The following MGRN1 variants were observed in gnomAD, a reference collection of about 807,000 sequenced individuals.
MGRN1 encodes mahogunin ring finger 1.
Under a neutral mutation model 69.2 loss-of-function variants are expected in MGRN1, and 29 were observed. The observed-to-expected ratio is 0.42, with a 90% CI of 0.31 to 0.57. The LOEUF (loss-of-function observed/expected upper bound fraction) is 0.57. Ranked by LOEUF, MGRN1 falls within the 20% of genes least tolerant of loss-of-function variation. MGRN1 has a pLI of 0.15. For synonymous variants in MGRN1, 470 were observed against 344.2 expected (o/e 1.37, Z -4.04); for missense variants, 998 against 796.2 (o/e 1.25, Z -3.05).
rs149575850 is a variant in MGRN1, at chr16:4,667,550, A to G, written c.679-715A>G. On this transcript the variant is annotated intron_variant, in intron 7 of 16. Transcript: ENST00000262370. Reference sequence around the variant, plus strand: ...GGTCTATTCTGTGCTTGAAGTACAGAACCCAGTGGGAAACTGCTTTATTTT... The same window carrying G: ...GGTCTATTCTGTGCTTGAAGTACAGGACCCAGTGGGAAACTGCTTTATTTT... 4.6e-5 allele frequency among the ~76,000 whole-genome samples: 7 copies of G among 152,322 alleles called. No individual in the cohort carries two copies. In the East Asian group the frequency reaches 1.3e-3, roughly 29 times the overall value.
intron 1 of MGRN1, among the ~76,000 whole-genome samples, chr16:4,633,225 T>TA (rs58924436): frequency 0.042 from 6,324 of 151,560 alleles, 469 homozygotes; most frequent in African/African-American, 0.15. Flanking sequence ...CCACCTCTAT[T>TA]AAAAATCCAA....
chr16:4,632,362 C>G (rs866729684), intron 1 of MGRN1, among the ~76,000 whole-genome samples: 1 of 151,780 alleles, frequency 6.6e-6, no homozygotes, highest in African/African-American at 2.4e-5. Flanking sequence ...ATACGAGTCA[C>G]ACTGAGAACA....
intron 1 of MGRN1, among the ~76,000 whole-genome samples, chr16:4,639,179 C>G (rs778858029): frequency 5.9e-5 from 9 of 151,980 alleles, no homozygotes; most frequent in Admixed American, 1.3e-4. Context: ...GATGCGGGGC[C>G]GTGGACAGTT....
At chr16:4,668,929 C>T (rs1178165905) in intron 8 of MGRN1, among the ~76,000 whole-genome samples, 12 of 152,080 alleles carry the variant, frequency 7.9e-5, no homozygotes, top group African/African-American at 2.9e-4. Flanking sequence ...CATACATACA[C>T]ACAATCACTT....
intron 16 of MGRN1, chr16:4,688,006 C>T: frequency 3.0e-6 from 3 of 985,452 alleles, no homozygotes; most frequent in Non-Finnish European, 3.6e-6. Context: ...TCAGGTCAAG[C>T]TTCCGGAGCT....
chr16:4,682,973 G>T, intron 14 of MGRN1, 27 bp downstream of exon 14: 1 of 1,517,336 alleles, frequency 6.6e-7, no homozygotes, highest in Non-Finnish European at 8.9e-7. Flanking sequence ...GAAGCTTTGC[G>T]CACCCGCCCG....
chr16:4,655,404 C>A (rs1596286083), intron 4 of MGRN1, among the ~76,000 whole-genome samples: 1 of 152,228 alleles, frequency 6.6e-6, no homozygotes, highest in Non-Finnish European at 1.5e-5. Flanking sequence ...AGAGAAATGC[C>A]ACAGTCCCCC....
Position 4,624,911 on chromosome 16 carries a change from C to T in MGRN1, c.-50C>T. 6.8e-7 allele frequency: 1 copy of T among 1,463,934 alleles called. No individual in the cohort carries two copies. Among genetic ancestry groups the T allele is most frequent in the East Asian group, 3.1e-5 (1 of 32,722 alleles). The allele number at this position is 1,463,934 out of a possible 1,614,324, so 90.7% of individuals were successfully genotyped here. A position where few individuals can be genotyped will look rare whatever the true frequency, so the allele number is the denominator to read the frequency against. On this transcript the variant is annotated 5_prime_UTR_variant, in exon 1 of 17. Transcript: ENST00000262370. ...GTCCGCGTGAGGACCCCGCCGCTGT[C>T]GCCGCTCCCGTTCCGGCCCTGGCCC...
intron 5 of MGRN1, among the ~76,000 whole-genome samples, chr16:4,658,500 C>A (rs566135483): frequency 1.3e-5 from 2 of 151,302 alleles, no homozygotes; most frequent in African/African-American, 4.9e-5. Flanking sequence ...CACGCCACTG[C>A]ACTCCAGCCT....
chr16:4,672,485 C>T (rs1567222665), intron 9 of MGRN1: 2 of 456,714 alleles, frequency 4.4e-6, no homozygotes, highest in East Asian at 6.9e-5. Flanking sequence ...GGGAGCGGAG[C>T]ACCTGGCCGG....
intron 9 of MGRN1, 63 bp from the exon 10 acceptor site, chr16:4,673,435 G>A: frequency 6.4e-7 from 1 of 1,573,684 alleles, no homozygotes; most frequent in Non-Finnish European, 8.6e-7. Context: ...GCTGGGGACA[G>A]GAAGCAGGAG....
At chr16:4,653,779 T>G (rs773440552) in intron 4 of MGRN1, among the ~76,000 whole-genome samples, 17 of 148,318 alleles carry the variant, frequency 1.1e-4, no homozygotes, top group Non-Finnish European at 1.9e-4. Flanking sequence ...TGAGACAGAG[T>G]TTCGCTCTTG....
chr16:4,644,654 G>A (rs926876253), intron 1 of MGRN1, among the ~76,000 whole-genome samples: 1 of 152,124 alleles, frequency 6.6e-6, no homozygotes, highest in South Asian at 2.1e-4. Context: ...AATTAGATAG[G>A]AATTAGCAAG....
At chr16:4,668,701 C>A (rs1440606464) in intron 8 of MGRN1, among the ~76,000 whole-genome samples, 2 of 151,192 alleles carry the variant, frequency 1.3e-5, no homozygotes, top group East Asian at 1.9e-4. Flanking sequence ...CACATACACA[C>A]ATACACTCAC....
At chr16:4,665,920 C>T (rs1212909260) in intron 7 of MGRN1, among the ~76,000 whole-genome samples, 1 of 151,828 alleles carries the variant, frequency 6.6e-6, no homozygotes, top group Non-Finnish European at 1.5e-5. Context: ...GCCTACGCCT[C>T]CCGGGTTCAT....
intron 1 of MGRN1, among the ~76,000 whole-genome samples, chr16:4,639,430 C>T (rs1473236119): frequency 6.6e-6 from 1 of 152,174 alleles, no homozygotes; most frequent in Non-Finnish European, 1.5e-5. Context: ...GAGCGGGGAG[C>T]TTGGCCATGG....
intron 9 of MGRN1, chr16:4,672,476 G>T (rs148301860): frequency 2.2e-6 from 1 of 456,744 alleles, no homozygotes; most frequent in Non-Finnish European, 4.4e-6. Context: ...CCACGTGGCG[G>T]GAGCGGAGCA....
At chr16:4,688,581 C>T (rs947792157) in intron 16 of MGRN1, 26 of 1,300,754 alleles carry the variant, frequency 2.0e-5, no homozygotes, top group South Asian at 7.6e-5. Flanking sequence ...GATCTGGGAT[C>T]GTCTGTCCCA....
intron 16 of MGRN1, chr16:4,688,120 G>A: frequency 1.0e-6 from 1 of 985,620 alleles, no homozygotes; most frequent in Non-Finnish European, 1.2e-6. Context: ...AGTGGGGCCT[G>A]GGCCGTGTCT....
Sources: gnomAD v4.1 joint callset for allele counts (sites outside exome capture counted in the v4.1 genomes callset) on GRCh38, gnomAD v4.1.1 for gene constraint, MANE v1.5 for transcripts, NCBI Gene and HGNC (gene_info 2026-07-23, HGNC 2026-07-21) for gene names.